VOPP1: variants seen among roughly 807,000 people sequenced by gnomAD.
VOPP1 encodes the protein VOPP1 WW domain binding protein.
VOPP1 carries 8 observed loss-of-function variants against 23.5 expected under a neutral mutation model. The ratio of observed to expected loss-of-function variants is 0.34; its 90% confidence interval spans 0.20 to 0.61. The LOEUF (loss-of-function observed/expected upper bound fraction) is 0.61. Among genes scored for constraint, VOPP1 ranks in the 20% least tolerant of loss-of-function variants. The pLI is 0.78. For missense variants in VOPP1, 174 were observed against 238.1 expected, an observed-to-expected ratio of 0.73 and a Z score of 1.77; for synonymous variants, 83 against 97.3, an observed-to-expected ratio of 0.85 and a Z score of 0.86.
intron 4 of VOPP1, among the ~76,000 whole-genome samples, chr7:55,452,757 G>A (rs1026311034): frequency 7.2e-5 from 11 of 152,278 alleles, no homozygotes; most frequent in Non-Finnish European, 1.2e-4. Flanking sequence ...GAAGCAGTGC[G>A]CTTAAAACAC....
chr7:55,514,321 G>T (rs892689340), intron 2 of VOPP1, among the ~76,000 whole-genome samples: 2 of 152,178 alleles, frequency 1.3e-5, no homozygotes, highest in Admixed American at 6.5e-5. Context: ...TGGAATAAGC[G>T]GGATGAGACC....
chr7:55,467,513 A>G (rs1791663284), downstream of VOPP1, among the ~76,000 whole-genome samples: 1 of 152,106 alleles, frequency 6.6e-6, no homozygotes, highest in Non-Finnish European at 1.5e-5. Context: ...ATCTCCTCAG[A>G]TCTCCTTCCC....
At chr7:55,520,156 A>G (rs1277451472) in intron 2 of VOPP1, among the ~76,000 whole-genome samples, 2 of 152,148 alleles carry the variant, frequency 1.3e-5, no homozygotes, top group African/African-American at 4.8e-5. Flanking sequence ...GACAGGTAAG[A>G]AAAATGTATG....
At chr7:55,495,968 C>T (rs1488889024) in intron 3 of VOPP1, among the ~76,000 whole-genome samples, 2 of 152,212 alleles carry the variant, frequency 1.3e-5, no homozygotes, top group Non-Finnish European at 2.9e-5. Flanking sequence ...ACCAAGTCGT[C>T]GTGTGCTGCC....
chr7:55,511,665 C>T (rs1795078519), intron 2 of VOPP1, among the ~76,000 whole-genome samples: 1 of 152,214 alleles, frequency 6.6e-6, no homozygotes, highest in Non-Finnish European at 1.5e-5. Flanking sequence ...AAAGGCTTAT[C>T]AGAAACTCAA....
At chr7:55,523,051 T>C (rs1475463269) in intron 1 of VOPP1, among the ~76,000 whole-genome samples, 2 of 152,164 alleles carry the variant, frequency 1.3e-5, no homozygotes, top group Non-Finnish European at 2.9e-5. Flanking sequence ...GTGGGTGTCT[T>C]CTTCTGGGTC....
chr7:55,513,603 C>A (rs933759211), intron 2 of VOPP1, among the ~76,000 whole-genome samples: 17 of 152,168 alleles, frequency 1.1e-4, no homozygotes, highest in Non-Finnish European at 1.6e-4. Flanking sequence ...GAGATGTGAC[C>A]TAGTCATGCA....
intron 2 of VOPP1, among the ~76,000 whole-genome samples, chr7:55,502,967 T>A (rs1254321639): frequency 3.3e-5 from 5 of 152,222 alleles, no homozygotes; most frequent in Admixed American, 6.5e-5. Flanking sequence ...TATCTAATTA[T>A]AGTCCTGAGA....
chr7:55,495,800 AC>A (rs1793908372), intron 3 of VOPP1, among the ~76,000 whole-genome samples: 1 of 152,034 alleles, frequency 6.6e-6, no homozygotes, highest in African/African-American at 2.4e-5. Context: ...GTAAGCTCAC[AC>A]CCCCAGGTGC....
intron 4 of VOPP1, among the ~76,000 whole-genome samples, chr7:55,479,870 G>C (rs1041249826): frequency 9.2e-5 from 14 of 152,180 alleles, no homozygotes; most frequent in Non-Finnish European, 1.8e-4. Context: ...GCCTTACATG[G>C]CTAGTTTTGA....
At chr7:55,521,630 AG>A (rs1795865974) in intron 1 of VOPP1, 1 of 987,426 alleles carries the variant, frequency 1.0e-6, no homozygotes, top group Middle Eastern at 5.2e-4. Context: ...TCTCACGTGC[AG>A]GAAGAGAAAG....
At chr7:55,464,612 G>A (rs192281321) in intron 4 of VOPP1, among the ~76,000 whole-genome samples, 97 of 152,306 alleles carry the variant, frequency 6.4e-4, no homozygotes, top group Non-Finnish European at 1.2e-3. Context: ...CTGCAGCATA[G>A]AATACTGTAT....
intron 4 of VOPP1, among the ~76,000 whole-genome samples, chr7:55,460,292 A>T (rs913270605): frequency 3.9e-5 from 6 of 152,214 alleles, no homozygotes; most frequent in African/African-American, 1.4e-4. Context: ...CATATGGCCT[A>T]TCCTGGAGAA....
chr7:55,540,924 A>T (rs1049076011), intron 1 of VOPP1, among the ~76,000 whole-genome samples: 2 of 152,248 alleles, frequency 1.3e-5, no homozygotes, highest in African/African-American at 4.8e-5. Flanking sequence ...CACCAAAAGC[A>T]AAAGTAATGA....
At chr7:55,490,423 T>C (rs996739980) in intron 4 of VOPP1, among the ~76,000 whole-genome samples, 6 of 152,090 alleles carry the variant, frequency 3.9e-5, no homozygotes, top group African/African-American at 1.4e-4. Flanking sequence ...CTCAAAACCC[T>C]GGCATGCCAG....
intron 1 of VOPP1, among the ~76,000 whole-genome samples, chr7:55,558,686 C>CCCAT (rs1797887591): frequency 6.6e-6 from 1 of 152,192 alleles, no homozygotes; most frequent in African/African-American, 2.4e-5. Flanking sequence ...GATCCACCCA[C>CCCAT]CCATCCATCC....
At chr7:55,439,443 A>G (rs1279096334) in intron 4 of VOPP1, among the ~76,000 whole-genome samples, 2 of 152,220 alleles carry the variant, frequency 1.3e-5, no homozygotes, top group Non-Finnish European at 2.9e-5. Context: ...TTCATTGAAA[A>G]GGTAGGACAA....
rs1343062091 is a variant in VOPP1 at position 55,478,401 on chromosome 7, G to GA, written c.329-5357dup. 1.1e-4 allele frequency among the ~76,000 whole-genome samples: 16 copies of GA among 151,692 alleles called. No homozygotes were observed. In the East Asian group the frequency reaches 1.9e-3, roughly 18 times the overall value. ...AGGAGCAAATACAGAATGAAGTCAGGAAAAAAAAGCCCAAGGGAGCTGCAG... is the reference window on the plus strand; with the variant it reads ...AGGAGCAAATACAGAATGAAGTCAGGAAAAAAAAAGCCCAAGGGAGCTGCAG... On this transcript the variant is annotated intron_variant, in intron 4 of 4. Coordinates refer to ENST00000285279, the MANE Select transcript of VOPP1 (RefSeq NM_030796.5).
intron 1 of VOPP1, among the ~76,000 whole-genome samples, chr7:55,567,944 CAT>C (rs1289047735): frequency 5.3e-5 from 8 of 152,180 alleles, no homozygotes; most frequent in Non-Finnish European, 1.2e-4. Flanking sequence ...CACTCTTAAA[CAT>C]AACTCAGTTC....
Sources: allele counts gnomAD v4.1 joint callset (sites outside exome capture counted in the v4.1 genomes callset), GRCh38; gene constraint gnomAD v4.1.1; transcripts MANE v1.5; gene names NCBI Gene and HGNC (gene_info 2026-07-23, HGNC 2026-07-21).